Variants in STXBP5L observed in about 807,000 individuals in gnomAD.
STXBP5L encodes the protein syntaxin binding protein 5L, also known as syntaxin-binding protein 5-like.
STXBP5L carries 65 observed loss-of-function variants against 144.5 expected under a neutral mutation model. The ratio of observed to expected loss-of-function variants is 0.45; its 90% confidence interval spans 0.37 to 0.55. The LOEUF (loss-of-function observed/expected upper bound fraction) is 0.55. STXBP5L is among the 20% of genes least tolerant of loss of function. STXBP5L has a pLI of 0.00. For synonymous variants in STXBP5L, 505 were observed against 469.6 expected, an observed-to-expected ratio of 1.08 and a Z score of -0.97; for missense variants, 1,298 against 1,405.5, an observed-to-expected ratio of 0.92 and a Z score of 1.22.
chr3:121,192,912 G>C (rs760056751), intron 9 of STXBP5L, among the ~76,000 whole-genome samples: 1 of 152,070 alleles, frequency 6.6e-6, no homozygotes, highest in East Asian at 1.9e-4. Flanking sequence ...ATAGGCATGG[G>C]CAAGGACTTC....
intron 3 of STXBP5L, among the ~76,000 whole-genome samples, chr3:121,033,551 C>A (rs1946526678): frequency 7.9e-6 from 1 of 125,962 alleles, no homozygotes; most frequent in Non-Finnish European, 1.7e-5. Context: ...TGAACATGTA[C>A]CCTAAAACTT....
intron 20 of STXBP5L, among the ~76,000 whole-genome samples, chr3:121,326,102 A>C (rs1301864799): frequency 6.6e-6 from 1 of 152,048 alleles, no homozygotes; most frequent in Admixed American, 6.6e-5. Context: ...ATCATCGAAC[A>C]ACTATATGAC....
At chr3:121,237,103 G>C (rs2049507456) in intron 12 of STXBP5L, among the ~76,000 whole-genome samples, 1 of 152,228 alleles carries the variant, frequency 6.6e-6, no homozygotes, top group Non-Finnish European at 1.5e-5. Flanking sequence ...GGAGTTGAAT[G>C]CCTGAGGCTT....
chr3:121,290,819 T>C (rs149418792), intron 19 of STXBP5L, among the ~76,000 whole-genome samples: 21 of 152,226 alleles, frequency 1.4e-4, no homozygotes, highest in African/African-American at 4.8e-4. Flanking sequence ...TCTCAATAGA[T>C]GCAGAAAAAG....
rs188758255 is a variant in STXBP5L, at chr3:121,113,252, T to C, written c.471-1673T>C. Among the ~76,000 whole-genome samples, 35 of 152,292 alleles carry C rather than the reference T, an allele frequency of 2.3e-4. No individual in the cohort carries two copies. In the East Asian group the frequency reaches 4.6e-3, roughly 20 times the overall value. On this transcript the variant is annotated intron_variant, in intron 5 of 26. Coordinates refer to ENST00000471454, the MANE Select transcript of STXBP5L (RefSeq NM_001308330.2). ...ACCCCTATATTTATGTCTTCTTTAATGGGATTAGTGTTTTTTCCACTGTCC... is the reference window on the plus strand; with the variant it reads ...ACCCCTATATTTATGTCTTCTTTAACGGGATTAGTGTTTTTTCCACTGTCC...
intron 9 of STXBP5L, among the ~76,000 whole-genome samples, chr3:121,172,606 A>G (rs187578224): frequency 9.2e-5 from 14 of 152,356 alleles, no homozygotes. Flanking sequence ...GTCATTAGAG[A>G]AATGCAAATC....
intron 5 of STXBP5L, among the ~76,000 whole-genome samples, chr3:121,086,663 C>G (rs2042509915): frequency 6.6e-6 from 1 of 151,994 alleles, no homozygotes. Flanking sequence ...TTATTCCTAC[C>G]AGGTGAGCAT....
chr3:120,994,215 A>C (rs1224939402), intron 3 of STXBP5L, among the ~76,000 whole-genome samples: 1 of 151,992 alleles, frequency 6.6e-6, no homozygotes, highest in Non-Finnish European at 1.5e-5. Context: ...GTTTTTCTGA[A>C]TATAAGATTA....
chr3:121,316,695 T>TA (rs1266756163), intron 19 of STXBP5L, among the ~76,000 whole-genome samples: 5 of 152,210 alleles, frequency 3.3e-5, no homozygotes, highest in Non-Finnish European at 7.3e-5. Flanking sequence ...ACAAAGAGCG[T>TA]GTGGCACAGT....
intron 7 of STXBP5L, among the ~76,000 whole-genome samples, chr3:121,140,025 G>A (rs1367108076): frequency 6.6e-6 from 1 of 152,042 alleles, no homozygotes; most frequent in Non-Finnish European, 1.5e-5. Flanking sequence ...AGAATGACAT[G>A]AAACACTCAT....
At chr3:121,085,803 C>T (rs1412816186) in intron 5 of STXBP5L, among the ~76,000 whole-genome samples, 2 of 152,070 alleles carry the variant, frequency 1.3e-5, no homozygotes, top group South Asian at 2.1e-4. Context: ...TGACATTCTT[C>T]ACATAATTAG....
intron 16 of STXBP5L, among the ~76,000 whole-genome samples, chr3:121,256,106 A>C (rs2050198895): frequency 1.3e-5 from 2 of 152,100 alleles, no homozygotes. Flanking sequence ...TCACATGTAC[A>C]ATTCCCTGTG....
intron 3 of STXBP5L, among the ~76,000 whole-genome samples, chr3:120,963,501 A>G (rs1939135190): frequency 6.6e-6 from 1 of 152,160 alleles, no homozygotes; most frequent in Non-Finnish European, 1.5e-5. Flanking sequence ...AGTTTTGTCA[A>G]AGGTCTTTTT....
chr3:121,112,459 G>A (rs2044031505), intron 5 of STXBP5L, among the ~76,000 whole-genome samples: 1 of 152,220 alleles, frequency 6.6e-6, no homozygotes, highest in Middle Eastern at 3.4e-3. Context: ...GCTCTCTGTG[G>A]GTTGTGCCAA....
intron 5 of STXBP5L, among the ~76,000 whole-genome samples, chr3:121,104,574 G>A (rs1576968739): frequency 2.0e-5 from 3 of 151,890 alleles, no homozygotes; most frequent in Admixed American, 1.3e-4. Flanking sequence ...AACTAAATAG[G>A]GAACCCAAAA....
At chr3:121,214,507 G>T (rs1415393999) in intron 10 of STXBP5L, among the ~76,000 whole-genome samples, 2 of 152,120 alleles carry the variant, frequency 1.3e-5, no homozygotes, top group African/African-American at 4.8e-5. Context: ...TTTCCATGTT[G>T]TTTTGTGGTT....
chr3:121,065,933 C>T (rs2041522933), intron 5 of STXBP5L, among the ~76,000 whole-genome samples: 1 of 152,122 alleles, frequency 6.6e-6, no homozygotes, highest in African/African-American at 2.4e-5. Context: ...AGGTGATCCT[C>T]AGTTTTTTGC....
intron 3 of STXBP5L, among the ~76,000 whole-genome samples, chr3:120,956,839 A>T (rs984323396): frequency 6.6e-5 from 10 of 151,886 alleles, no homozygotes; most frequent in Non-Finnish European, 1.2e-4. Flanking sequence ...AATGAAGTTC[A>T]AGTTGGCTAT....
chr3:121,015,710 C>A (rs1369342029), intron 3 of STXBP5L, among the ~76,000 whole-genome samples: 1 of 152,078 alleles, frequency 6.6e-6, no homozygotes, highest in Non-Finnish European at 1.5e-5. Context: ...ATACTCAGAG[C>A]ATTCTCCCTA....
Sources: allele counts gnomAD v4.1 joint callset (sites outside exome capture counted in the v4.1 genomes callset), GRCh38; gene constraint gnomAD v4.1.1; transcripts MANE v1.5; gene names NCBI Gene and HGNC (gene_info 2026-07-23, HGNC 2026-07-21).